The following ZNF536 variants were observed in gnomAD, a reference collection of about 807,000 sequenced individuals.
ZNF536 encodes the protein zinc finger protein 536.
Under a neutral mutation model 84.5 loss-of-function variants are expected in ZNF536, and 13 were observed. That is an observed-to-expected ratio of 0.15 (90% CI 0.10 to 0.24). ZNF536 has a LOEUF of 0.24. ZNF536 is among the 10% of genes least tolerant of loss of function. The pLI is 1.00. For missense variants in ZNF536, 1,536 were observed against 1,747.5 expected, an observed-to-expected ratio of 0.88 and a Z score of 2.16; for synonymous variants, 811 against 742.5, an observed-to-expected ratio of 1.09 and a Z score of -1.50.
chr19:30,401,680 AAT>A (rs1568393840), intron 1 of ZNF536, among the ~76,000 whole-genome samples: 1 of 152,232 alleles, frequency 6.6e-6, no homozygotes, highest in African/African-American at 2.4e-5. Flanking sequence ...ATAGTAATAA[AAT>A]ATGTTTTTCT....
At chr19:30,335,959 C>G (rs1302422943) in intron 2 of ZNF536, among the ~76,000 whole-genome samples, 1 of 152,104 alleles carries the variant, frequency 6.6e-6, no homozygotes, top group Admixed American at 6.5e-5. Context: ...TAGTAACCTC[C>G]CATTCCTCAG....
chr19:30,433,691 A>G (rs1326333492), intron 1 of ZNF536, among the ~76,000 whole-genome samples: 1 of 152,142 alleles, frequency 6.6e-6, no homozygotes, highest in Non-Finnish European at 1.5e-5. Context: ...GAGATGGGGT[A>G]ACTCCATGTT....
chr19:30,516,099 A>G (rs1244874968), intron 2 of ZNF536, among the ~76,000 whole-genome samples: 1 of 152,132 alleles, frequency 6.6e-6, no homozygotes, highest in Non-Finnish European at 1.5e-5. Flanking sequence ...TCAGTTGAGA[A>G]TCCTACATAG....
At chr19:30,460,914 C>T (rs952163054) in intron 2 of ZNF536, among the ~76,000 whole-genome samples, 3 of 152,196 alleles carry the variant, frequency 2.0e-5, no homozygotes, top group African/African-American at 7.2e-5. Flanking sequence ...CTTCCTTGCA[C>T]CTCCTTCTCC....
chr19:30,643,132 G>A (rs1239010198), intron 1 of ZNF536, among the ~76,000 whole-genome samples: 1 of 152,116 alleles, frequency 6.6e-6, no homozygotes, highest in Non-Finnish European at 1.5e-5. Context: ...CAAGTTATTG[G>A]GGATCCTGTG....
chr19:30,529,147 A>T (rs2044706676), intron 2 of ZNF536, among the ~76,000 whole-genome samples: 2 of 152,158 alleles, frequency 1.3e-5, no homozygotes, highest in Admixed American at 1.3e-4. Context: ...ACGCTATTTT[A>T]TTATACAAAG....
At chr19:30,664,428 G>C (rs1437377208) in intron 1 of ZNF536, among the ~76,000 whole-genome samples, 2 of 152,144 alleles carry the variant, frequency 1.3e-5, no homozygotes, top group African/African-American at 4.8e-5. Context: ...CAGGCTGCTG[G>C]AGGGCGGGGT....
intron 3 of ZNF536, among the ~76,000 whole-genome samples, chr19:30,356,661 G>T (rs1158963987): frequency 1.3e-5 from 2 of 152,218 alleles, no homozygotes; most frequent in Non-Finnish European, 2.9e-5. Flanking sequence ...GGTGTGTAAG[G>T]TCCCACGGTG....
chr19:30,298,041 C>T (rs776201624), intron 2 of ZNF536, among the ~76,000 whole-genome samples: 17 of 152,000 alleles, frequency 1.1e-4, no homozygotes, highest in Non-Finnish European at 2.1e-4. Flanking sequence ...CCACCATGCC[C>T]GGTAATTTTT....
chr19:30,304,251 A>G (rs146757701), intron 2 of ZNF536, among the ~76,000 whole-genome samples: 59 of 152,260 alleles, frequency 3.9e-4, no homozygotes, highest in African/African-American at 1.4e-3. Flanking sequence ...TTGCATCTTC[A>G]TCTCAGGCCT....
chr19:30,642,872 G>A (rs941552962), intron 1 of ZNF536, among the ~76,000 whole-genome samples: 4 of 152,132 alleles, frequency 2.6e-5, no homozygotes, highest in African/African-American at 9.7e-5. Context: ...GAGGCTGTGT[G>A]GGGGGTGAGA....
At chr19:30,334,731 C>T (rs916711076) in intron 2 of ZNF536, among the ~76,000 whole-genome samples, 1 of 152,166 alleles carries the variant, frequency 6.6e-6, no homozygotes, top group East Asian at 1.9e-4. Flanking sequence ...CCAGCCTTTA[C>T]AGCAGTTTCC....
chr19:30,696,985 G>A (rs112421176), intron 1 of ZNF536, among the ~76,000 whole-genome samples: 6 of 152,142 alleles, frequency 3.9e-5, no homozygotes, highest in Admixed American at 6.5e-5. Context: ...TTCTCACACT[G>A]CTACAAAGAT....
Position 30,443,051 on chromosome 19 carries a change from T to G in ZNF536, c.-2-510T>G, listed in dbSNP as rs1012394298. On this transcript the variant is annotated intron_variant, in intron 1 of 4. Coordinates refer to ENST00000355537, the MANE Select transcript of ZNF536 (RefSeq NM_014717.3). ...TTGAGTGTTTTTTGTTTGTTTTTTT[T>G]TTTTTTTTGGCCAAATCATAAAATG... is the stretch of plus-strand genomic sequence containing the variant. Among the ~76,000 whole-genome samples, 202 of 151,896 alleles carry G rather than the reference T, an allele frequency of 1.3e-3. 1 individual carries two copies. Among genetic ancestry groups the G allele is most frequent in the African/African-American group, 4.6e-3 (189 of 41,490 alleles).
intron 1 of ZNF536, among the ~76,000 whole-genome samples, chr19:30,230,847 A>G (rs1053033441): frequency 7.2e-5 from 11 of 152,350 alleles, no homozygotes; most frequent in African/African-American, 2.6e-4. Flanking sequence ...AGAATTAAAC[A>G]GCCTTCCCCA....
intron 2 of ZNF536, among the ~76,000 whole-genome samples, chr19:30,480,554 A>T (rs1290983315): frequency 1.3e-5 from 2 of 151,384 alleles, no homozygotes; most frequent in Non-Finnish European, 2.9e-5. Context: ...GTCGTGGGGT[A>T]GGGGGCAAGG....
At chr19:30,614,100 T>C (rs892816258) in intron 1 of ZNF536, among the ~76,000 whole-genome samples, 2 of 152,210 alleles carry the variant, frequency 1.3e-5, no homozygotes, top group South Asian at 4.1e-4. Context: ...TGACCTCCAG[T>C]AATCTGCCCG....
upstream of ZNF536, among the ~76,000 whole-genome samples, chr19:30,226,586 G>A (rs2022625867): frequency 6.6e-6 from 1 of 152,078 alleles, no homozygotes; most frequent in Admixed American, 6.5e-5. This position sits in a 1 kb window ranked among gnomAD's most constrained non-coding sequence, Gnocchi z 4.6. Flanking sequence ...CCCCAGGAAA[G>A]GCCGTGGCGC....
intron 2 of ZNF536, among the ~76,000 whole-genome samples, chr19:30,516,024 C>T (rs576460614): frequency 2.6e-5 from 2 of 77,752 alleles, no homozygotes; most frequent in South Asian, 7.9e-4. Flanking sequence ...GAGACTCCAT[C>T]TCAAAAAAAA....
Sources: allele counts gnomAD v4.1 joint callset (sites outside exome capture counted in the v4.1 genomes callset), GRCh38; gene constraint gnomAD v4.1.1; non-coding constraint Gnocchi (gnomAD v3.1); transcripts MANE v1.5; gene names NCBI Gene and HGNC (gene_info 2026-07-23, HGNC 2026-07-21).